The following CTNND2 variants were observed in gnomAD, a reference collection of about 807,000 sequenced individuals.
CTNND2 encodes the protein catenin delta 2, also known as catenin delta-2.
In CTNND2, 22 loss-of-function variants were observed where a neutral mutation model predicts 144.4. The observed-to-expected ratio is 0.15, with a 90% CI of 0.11 to 0.22. The LOEUF is 0.22. Among genes scored for constraint, CTNND2 ranks in the 10% least tolerant of loss-of-function variants. The pLI is 1.00. For missense variants in CTNND2, 1,353 were observed against 1,618.8 expected (o/e 0.84, Z 2.82); for synonymous variants, 751 against 695.6 (o/e 1.08, Z -1.25).
intron 1 of CTNND2, among the ~76,000 whole-genome samples, chr5:11,780,506 G>A (rs1302345682): frequency 2.0e-5 from 3 of 152,154 alleles, no homozygotes; most frequent in African/African-American, 4.8e-5. Context: ...CCTCTCACCT[G>A]GAGAGTGCAG....
chr5:11,712,911 G>C (rs1284173201), intron 2 of CTNND2, among the ~76,000 whole-genome samples: 3 of 152,142 alleles, frequency 2.0e-5, no homozygotes, highest in African/African-American at 7.2e-5. Context: ...ATACTGAACA[G>C]CAGCACACAA....
In CTNND2 at chr5:11,182,816, T is replaced by C. The variant is rs780124889; in HGVS notation, c.1975+16632A>G. Among the ~76,000 whole-genome samples, 16 of 152,298 alleles carry C rather than the reference T, an allele frequency of 1.1e-4. 1 individual carries two copies. The highest frequency in any genetic ancestry group is 9.8e-4 in the Admixed American group (15 of 15,302). On this transcript the variant is annotated intron_variant, in intron 11 of 21. Coordinates refer to ENST00000304623, the MANE Select transcript of CTNND2 (RefSeq NM_001332.4). ...ATTTGCATAGATATAGCTGTTTCCA[T>C]AGCAACTCAGATTGTGTTTCATTAC...
chr5:11,732,506 T>C (rs1057007479), intron 1 of CTNND2, among the ~76,000 whole-genome samples: 1 of 152,322 alleles, frequency 6.6e-6, no homozygotes, highest in African/African-American at 2.4e-5. Flanking sequence ...ACACTCACAC[T>C]TTCTGTTTTG....
At chr5:11,893,176 T>C (rs575778044) in intron 1 of CTNND2, among the ~76,000 whole-genome samples, 2 of 152,324 alleles carry the variant, frequency 1.3e-5, no homozygotes, top group East Asian at 3.9e-4. Flanking sequence ...TACTGAAAGA[T>C]CTTAAATCCT....
At chr5:11,162,279 C>T (rs1237884650) in intron 11 of CTNND2, among the ~76,000 whole-genome samples, 1 of 151,718 alleles carries the variant, frequency 6.6e-6, no homozygotes, top group Non-Finnish European at 1.5e-5. Context: ...TGTTTTCTTA[C>T]AAACAGAAAA....
At chr5:11,854,978 T>C (rs1332756634) in intron 1 of CTNND2, among the ~76,000 whole-genome samples, 2 of 152,342 alleles carry the variant, frequency 1.3e-5, no homozygotes, top group East Asian at 3.9e-4. Flanking sequence ...TGCGCTGTCA[T>C]TTTTCATAAA....
In CTNND2 at chr5:11,564,855, C is replaced by A. The variant is rs1390082403; in HGVS notation, c.287+89G>T. 6.0e-6 allele frequency: 5 copies of A among 838,774 alleles called. No individual in the cohort carries two copies. In the East Asian group the frequency reaches 1.3e-4, roughly 22 times the overall value. The allele number at this position is 838,774 out of a possible 1,614,324, so 52.0% of individuals were successfully genotyped here. Reference sequence around the variant, plus strand: ...CAACGTTTGACTGAATGTTCCAATTCCACCACCGGGTTGGAAAGAAGAGAA... The same window carrying A: ...CAACGTTTGACTGAATGTTCCAATTACACCACCGGGTTGGAAAGAAGAGAA... On this transcript the variant is annotated intron_variant, in intron 3 of 21. Transcript: ENST00000304623.
chr5:11,379,989 C>G (rs1758317789), intron 7 of CTNND2, among the ~76,000 whole-genome samples: 1 of 152,186 alleles, frequency 6.6e-6, no homozygotes, highest in Non-Finnish European at 1.5e-5. Flanking sequence ...CACACACACC[C>G]TCTCAACTCT....
intron 2 of CTNND2, among the ~76,000 whole-genome samples, chr5:11,595,719 T>C (rs972372490): frequency 6.6e-6 from 1 of 152,192 alleles, no homozygotes; most frequent in African/African-American, 2.4e-5. Context: ...AAATTATCAA[T>C]CCATGAAATT....
At chr5:11,850,473 T>C (rs184919467) in intron 1 of CTNND2, among the ~76,000 whole-genome samples, 57 of 152,336 alleles carry the variant, frequency 3.7e-4, no homozygotes, top group African/African-American at 1.3e-3. Flanking sequence ...CTTTATTTCC[T>C]TTGTGAATAC....
intron 11 of CTNND2, among the ~76,000 whole-genome samples, chr5:11,183,593 T>C (rs1297300983): frequency 6.6e-6 from 1 of 151,508 alleles, no homozygotes; most frequent in Non-Finnish European, 1.5e-5. Context: ...GTTTTGCTCC[T>C]GTTGCCCAGG....
chr5:11,553,499 T>C (rs1775953235), intron 3 of CTNND2, among the ~76,000 whole-genome samples: 1 of 152,266 alleles, frequency 6.6e-6, no homozygotes, highest in Non-Finnish European at 1.5e-5. Flanking sequence ...GATGGTTTAC[T>C]TACATTTCTC....
chr5:11,100,381 G>A (rs779644208), intron 14 of CTNND2, among the ~76,000 whole-genome samples: 2 of 152,116 alleles, frequency 1.3e-5, no homozygotes, highest in Non-Finnish European at 2.9e-5. Flanking sequence ...ATTCAAAGAT[G>A]ACTTTGCACC....
At chr5:11,458,261 C>T (rs955130449) in intron 3 of CTNND2, among the ~76,000 whole-genome samples, 3 of 151,770 alleles carry the variant, frequency 2.0e-5, no homozygotes, top group Admixed American at 2.0e-4. Flanking sequence ...GGAAGACAGG[C>T]CCAGGGGAAC....
rs70947250 is a variant in CTNND2 at position 11,283,673 on chromosome 5, C to CAAAAAAAAAAAAAAAAA, written c.1629-46867_1629-46851dup. ...TGGGTGAAAGAGTGAGACTCCGTCT[C>CAAAAAAAAAAAAAAAAA]AAAAAAAAAAAAAAAAAAAAAAAAA... On this transcript the variant is annotated intron_variant, in intron 9 of 21. Transcript: ENST00000304623. 1.6e-4 allele frequency among the ~76,000 whole-genome samples: 5 copies of CAAAAAAAAAAAAAAAAA among 31,608 alleles called. 1 individual carries two copies. Among genetic ancestry groups the CAAAAAAAAAAAAAAAAA allele is most frequent in the Admixed American group, 4.5e-4 (1 of 2,222 alleles). 20.7% of individuals were successfully genotyped at this position (31,608 alleles called of 152,430 possible).
At chr5:11,308,011 TGTCCCTGA>T (rs1250411735) in intron 9 of CTNND2, among the ~76,000 whole-genome samples, 10 of 152,246 alleles carry the variant, frequency 6.6e-5, no homozygotes, top group Admixed American at 6.5e-4. Context: ...CAAAGACTGC[TGTCCCTGA>T]GCCAGTACAC....
chr5:11,360,241 T>A (rs1207307644), intron 8 of CTNND2, among the ~76,000 whole-genome samples: 1 of 152,172 alleles, frequency 6.6e-6, no homozygotes, highest in Non-Finnish European at 1.5e-5. Context: ...AGGTGGAGTC[T>A]AAGGGGAAAA....
intron 3 of CTNND2, among the ~76,000 whole-genome samples, chr5:11,527,364 C>T (rs932465797): frequency 2.0e-5 from 3 of 152,130 alleles, no homozygotes; most frequent in Admixed American, 1.3e-4. Flanking sequence ...CTCGTCCTTC[C>T]CTACTCATGC....
chr5:11,531,672 T>A (rs753829093), intron 3 of CTNND2, among the ~76,000 whole-genome samples: 1 of 152,092 alleles, frequency 6.6e-6, no homozygotes, highest in Non-Finnish European at 1.5e-5. Context: ...CCATGGCGGA[T>A]TGTTATCATA....
Sources: gnomAD v4.1 joint callset for allele counts (sites outside exome capture counted in the v4.1 genomes callset) on GRCh38, gnomAD v4.1.1 for gene constraint, MANE v1.5 for transcripts, NCBI Gene and HGNC (gene_info 2026-07-23, HGNC 2026-07-21) for gene names.